Variants in RGPD1 observed in about 807,000 individuals in gnomAD.
The protein encoded by RGPD1 is RANBP2 like and GRIP domain containing 1.
A neutral mutation model predicts 40.6 loss-of-function variants in RGPD1; 7 were observed. The observed-to-expected ratio is 0.17, with a 90% CI of 0.10 to 0.32. RGPD1 has a LOEUF of 0.32. Among genes scored for constraint, RGPD1 ranks in the 10% least tolerant of loss-of-function variants. The probability of loss-of-function intolerance (pLI) is 1.00; values close to 1 mark genes in which losing one functional copy is unlikely to be tolerated. For missense variants in RGPD1, 50 were observed against 472.5 expected (o/e 0.11, Z 8.29); for synonymous variants, 24 against 167.0 (o/e 0.14, Z 6.60).
chr2:86,932,013 G>T (rs1262394277), intron 1 of RGPD1, among the ~76,000 whole-genome samples: 2 of 147,168 alleles, frequency 1.4e-5, no homozygotes. Flanking sequence ...ATAACATATA[G>T]ACAGAGAAGA....
chr2:86,944,505 C>T (rs765825491), intron 1 of RGPD1, among the ~76,000 whole-genome samples: 64 of 152,048 alleles, frequency 4.2e-4, no homozygotes, highest in Middle Eastern at 6.8e-3. Flanking sequence ...CCAGCTCAAG[C>T]GATCCTCCCA....
intron 1 of RGPD1, among the ~76,000 whole-genome samples, chr2:86,944,796 G>A (rs1315424443): frequency 3.3e-5 from 5 of 151,950 alleles, no homozygotes; most frequent in Admixed American, 6.6e-5. Context: ...CAGCGTTGAC[G>A]TCCTGGGCTC....
upstream of RGPD1, among the ~76,000 whole-genome samples, chr2:86,941,997 C>T (rs1385888033): frequency 4.5e-3 from 678 of 151,940 alleles, 5 homozygotes; most frequent in African/African-American, 0.016. Flanking sequence ...CAGGCGTGAG[C>T]CACGGCGCCC....
intron 1 of RGPD1, among the ~76,000 whole-genome samples, chr2:86,945,595 C>T (rs1318887251): frequency 1.3e-5 from 2 of 152,114 alleles, no homozygotes; most frequent in Admixed American, 1.3e-4. Context: ...CTTGTTTTGC[C>T]ATTTTTGTAC....
upstream of RGPD1, among the ~76,000 whole-genome samples, chr2:86,940,621 A>AATCTC (rs1294511226): frequency 2.7e-5 from 4 of 148,428 alleles, no homozygotes; most frequent in African/African-American, 1.0e-4. Flanking sequence ...TAGAGATAGG[A>AATCTC]ATCTCATTCT....
At chr2:86,960,669 A>G (rs551975170) in intron 6 of RGPD1, among the ~76,000 whole-genome samples, 1 of 114,684 alleles carries the variant, frequency 8.7e-6, no homozygotes, top group Admixed American at 7.7e-5. Flanking sequence ...GGCTCACTGC[A>G]AGCTCTGTCT....
chr2:87,000,820 G>A (rs1487377356), intron 22 of RGPD1, among the ~76,000 whole-genome samples: 1 of 8,730 alleles, frequency 1.1e-4, no homozygotes, highest in Non-Finnish European at 2.0e-4. Flanking sequence ...GCGTGGTGGT[G>A]CATGCCTGTA....
chr2:86,915,091 T>G (rs1677729259), intron 1 of RGPD1, among the ~76,000 whole-genome samples: 1 of 150,134 alleles, frequency 6.7e-6, no homozygotes, highest in Non-Finnish European at 1.5e-5. Context: ...AGGTCGGTCG[T>G]TCGAGACCAG....
At chr2:86,936,910 A>G (rs1438625318) in intron 1 of RGPD1, among the ~76,000 whole-genome samples, 1 of 135,940 alleles carries the variant, frequency 7.4e-6, no homozygotes, top group African/African-American at 2.9e-5. Context: ...AAGAGGTCTG[A>G]GACAGGATAT....
intron 6 of RGPD1, among the ~76,000 whole-genome samples, chr2:86,962,554 A>T: frequency 7.7e-6 from 1 of 130,124 alleles, no homozygotes; most frequent in Non-Finnish European, 1.6e-5. Flanking sequence ...TTAACGCTGT[A>T]ATGATCTATA....
chr2:86,943,561 T>C (rs1680089030), intron 1 of RGPD1, among the ~76,000 whole-genome samples: 1 of 152,114 alleles, frequency 6.6e-6, no homozygotes, highest in Non-Finnish European at 1.5e-5. Flanking sequence ...CTGTCGTTTA[T>C]AAGCTGGGTA....
chr2:86,918,288 A>G (rs1361215945), intron 1 of RGPD1, among the ~76,000 whole-genome samples: 1 of 150,732 alleles, frequency 6.6e-6, no homozygotes, highest in East Asian at 1.9e-4. Flanking sequence ...CAAAATCAGC[A>G]GAGTGGTGTC....
intron 1 of RGPD1, among the ~76,000 whole-genome samples, chr2:86,933,365 A>T (rs1284125957): frequency 9.9e-5 from 15 of 150,772 alleles, no homozygotes; most frequent in Non-Finnish European, 2.1e-4. Flanking sequence ...AATTAAATAT[A>T]GTCTTTAGAA....
intron 1 of RGPD1, among the ~76,000 whole-genome samples, chr2:86,944,415 T>A (rs1395549932): frequency 6.6e-6 from 1 of 152,100 alleles, no homozygotes; most frequent in Non-Finnish European, 1.5e-5. Flanking sequence ...GTGTTATTTT[T>A]TTTTTTTTAG....
chr2:86,930,622 C>G, intron 1 of RGPD1: 2 of 1,611,108 alleles, frequency 1.2e-6, no homozygotes, highest in Non-Finnish European at 1.7e-6. Context: ...CCAGTCTCCC[C>G]GCAGCAGTGA....
upstream of RGPD1, among the ~76,000 whole-genome samples, chr2:86,940,733 C>A (rs1332619766): frequency 6.6e-6 from 1 of 152,070 alleles, no homozygotes; most frequent in Non-Finnish European, 1.5e-5. Flanking sequence ...GTAGCTGGGC[C>A]TCAGAACTGT....
chr2:86,942,781 C>T (rs1262651975), intron 1 of RGPD1, among the ~76,000 whole-genome samples: 1 of 151,622 alleles, frequency 6.6e-6, no homozygotes, highest in Non-Finnish European at 1.5e-5. Context: ...TCTGTTGAGG[C>T]GCCGGCCGGC....
At chr2:86,914,069 CCCCGGCCTGGCCG>C (rs1677597045) in intron 1 of RGPD1, 1 of 57,954 alleles carries the variant, frequency 1.7e-5, no homozygotes, top group African/African-American at 6.4e-5. Context: ...TCGGCCTCGG[CCCCGGCCTGGCCG>C]GGCGGCGGCG....
At chr2:86,955,032 G>A (rs1237068156) in intron 4 of RGPD1, among the ~76,000 whole-genome samples, 1 of 22,030 alleles carries the variant, frequency 4.5e-5, no homozygotes, top group African/African-American at 1.3e-4. Context: ...ACGGAGTCTC[G>A]CTCTGTTGCC....
Sources: allele counts gnomAD v4.1 joint callset (sites outside exome capture counted in the v4.1 genomes callset), GRCh38; gene constraint gnomAD v4.1.1; transcripts MANE v1.5; gene names NCBI Gene and HGNC (gene_info 2026-07-23, HGNC 2026-07-21).